Variants in TSHZ1 observed in about 807,000 individuals in gnomAD.
The protein encoded by TSHZ1 is teashirt zinc finger homeobox 1, also known as teashirt homolog 1.
In TSHZ1, 12 loss-of-function variants were observed where a neutral mutation model predicts 67.1. The ratio of observed to expected loss-of-function variants is 0.18; its 90% confidence interval spans 0.11 to 0.29. The LOEUF (loss-of-function observed/expected upper bound fraction) is 0.29, where lower values mean the gene tolerates loss of function less well. TSHZ1 is among the 10% of genes least tolerant of loss of function. The probability of loss-of-function intolerance (pLI) is 1.00; values close to 1 mark genes in which losing one functional copy is unlikely to be tolerated. For missense variants in TSHZ1, 1,305 were observed against 1,413.9 expected, an observed-to-expected ratio of 0.92 and a Z score of 1.23; for synonymous variants, 632 against 622.4, an observed-to-expected ratio of 1.02 and a Z score of -0.23.
chr18:75,288,669 C>T lies in TSHZ1; in HGVS notation c.*28C>T, dbSNP rs2023820580. 5 of 1,545,966 alleles carry T rather than the reference C, an allele frequency of 3.2e-6. No homozygotes were observed. Among genetic ancestry groups the T allele is most frequent in the Non-Finnish European group, 4.4e-6 (5 of 1,148,040 alleles). On this transcript the variant is annotated 3_prime_UTR_variant, in exon 2 of 2. Transcript: ENST00000580243. This position sits in a 1 kb window ranked among gnomAD's most constrained non-coding sequence, Gnocchi z 4.9. The stretch of plus-strand genomic sequence containing the variant: ...TCCAGGTATGCAAGAGACCGCGGAA[C>T]ATTGCACTAAACGTCGTCGAGCTGC...
chr18:75,286,958 G>A lies in TSHZ1; in HGVS notation c.1551G>A (p.Lys517=), dbSNP rs368758022. Residue 517 remains lysine (K), a synonymous_variant, in exon 2 of 2, where the codon AAG becomes AAA. Transcript: ENST00000580243. The surrounding 1 kb of genome is among the most constrained non-coding windows in gnomAD (Gnocchi z 5.1). The part of the protein sequence containing the change: ...PPVAGDAEKI[K]EESEDSLEKF... ...TGGCTGGCGACGCGGAGAAGATCAA[G>A]GAGGAGAGTGAGGACAGCTTGGAGA... is the stretch of plus-strand genomic sequence containing the variant. The A allele has an allele frequency of 1.2e-4, 194 of 1,614,028 alleles. No homozygotes were observed. Among genetic ancestry groups the A allele is most frequent in the Non-Finnish European group, 1.6e-4 (183 of 1,180,030 alleles).
chr18:75,234,283 C>T (rs905051628), intron 1 of TSHZ1, among the ~76,000 whole-genome samples: 31 of 152,180 alleles, frequency 2.0e-4, no homozygotes, highest in Admixed American at 1.4e-3. Context: ...TGCGGCCGCC[C>T]TGGGCCCTCT....
At chr18:75,238,259 TAA>T (rs1312765798) in intron 1 of TSHZ1, among the ~76,000 whole-genome samples, 2 of 152,190 alleles carry the variant, frequency 1.3e-5, no homozygotes, top group Non-Finnish European at 1.5e-5. Context: ...CCACGTAGAC[TAA>T]GACTCATTTC....
rs564837572 is a variant in TSHZ1 at position 75,287,450 on chromosome 18, G to A, written c.2043G>A (p.Pro681=). 32 of 1,614,188 alleles carry A rather than the reference G, an allele frequency of 2.0e-5. No homozygotes were observed. The highest frequency in any genetic ancestry group is 1.6e-4 in the Middle Eastern group (1 of 6,062). The change falls in exon 2 of 2, where the codon CCG becomes CCA. Residue 681 remains proline, a synonymous_variant. Coordinates refer to ENST00000580243, the MANE Select transcript of TSHZ1 (RefSeq NM_001308210.2). The surrounding 1 kb of genome is among the most constrained non-coding windows in gnomAD (Gnocchi z 5.0). ...SPIAKENKDF[P]KTEEVSGKPQ... Reference sequence around the variant, plus strand: ...TAGCAAAAGAGAATAAAGATTTCCCGAAAACGGAGGAAGTCAGCGGCAAAC... The same window carrying A: ...TAGCAAAAGAGAATAAAGATTTCCCAAAAACGGAGGAAGTCAGCGGCAAAC...
chr18:75,214,355 G>A (rs893636884), intron 1 of TSHZ1, among the ~76,000 whole-genome samples: 2 of 152,176 alleles, frequency 1.3e-5, no homozygotes, highest in Non-Finnish European at 2.9e-5. Flanking sequence ...AGGAGCCGTC[G>A]ATGTTTATAA....
chr18:75,240,713 T>A (rs2023144778), intron 1 of TSHZ1, among the ~76,000 whole-genome samples: 2 of 152,166 alleles, frequency 1.3e-5, no homozygotes, highest in South Asian at 4.1e-4. Flanking sequence ...GGTCCCCCAC[T>A]TAGTTATGTG....
Position 75,285,970 on chromosome 18 carries a change from C to T in TSHZ1, c.563C>T (p.Thr188Ile). The T allele has an allele frequency of 1.3e-6, 2 of 1,587,596 alleles. No individual in the cohort carries two copies. The highest frequency in any genetic ancestry group is 1.7e-6 in the Non-Finnish European group (2 of 1,168,384). Residue 188 changes from threonine (T) to isoleucine (I), a missense_variant, in exon 2 of 2, where the codon ACC becomes ATC. This residue lies in a region of TSHZ1 where 358 missense variants were observed against 375.6 expected (regional missense o/e 0.95). Transcript: ENST00000580243. ...AGCTCCAGCACCAGCCACAGCAGTA[C>T]CACCAGTACCAGCAGCAGCTCCGGG... The part of the protein sequence containing the change: ...SCSSSTSHSS[T>I]TSTSSSSGYD...
chr18:75,239,267 GA>G (rs2023123419), intron 1 of TSHZ1, among the ~76,000 whole-genome samples: 1 of 152,228 alleles, frequency 6.6e-6, no homozygotes, highest in Admixed American at 6.5e-5. Flanking sequence ...CTTGTTATGT[GA>G]GTAATTGATG....
In TSHZ1 at chr18:75,288,877, T is replaced by A; in HGVS notation, c.*236T>A. 1.9e-6 allele frequency: 1 copy of A among 515,194 alleles called. No homozygotes were observed. 31.9% of individuals were successfully genotyped at this position (515,194 alleles called of 1,614,324 possible). On this transcript the variant is annotated 3_prime_UTR_variant, in exon 2 of 2. Transcript: ENST00000580243. The surrounding 1 kb of genome is among the most constrained non-coding windows in gnomAD (Gnocchi z 4.9). The stretch of plus-strand genomic sequence containing the variant: ...TATTTTCAACATCTGTTCTTGGTGT[T>A]AAGCTATCTTTTGTAGGAAATAGTG...
rs1006850628 is a variant in TSHZ1, at chr18:75,286,785, G to A, written c.1378G>A (p.Val460Met). Residue 460 changes from valine (V) to methionine (M), a missense_variant, in exon 2 of 2, where the codon GTG (valine) becomes ATG (methionine). Transcript: ENST00000580243. This position sits in a 1 kb window ranked among gnomAD's most constrained non-coding sequence, Gnocchi z 5.1. ...KKGKQLVLDP[V>M]VEEKIQSIPL... ...GGGCAAGCAGTTGGTGCTGGACCCTGTGGTGGAAGAGAAGATCCAGTCCAT... is the reference window on the plus strand; with the variant it reads ...GGGCAAGCAGTTGGTGCTGGACCCTATGGTGGAAGAGAAGATCCAGTCCAT... 3 of 1,613,536 alleles carry A rather than the reference G, an allele frequency of 1.9e-6. No homozygotes were observed. The highest frequency in any genetic ancestry group is 2.2e-5 in the East Asian group (1 of 44,884).
intron 1 of TSHZ1, among the ~76,000 whole-genome samples, chr18:75,262,664 T>TG (rs1356714514): frequency 6.6e-6 from 1 of 152,230 alleles, no homozygotes; most frequent in Non-Finnish European, 1.5e-5. Context: ...CACTCTGGGA[T>TG]GGCAGCAGGG....
Position 75,286,899 on chromosome 18 carries a change from G to C in TSHZ1, c.1492G>C (p.Glu498Gln), listed in dbSNP as rs1205152223. 4 of 1,614,092 alleles carry C rather than the reference G, an allele frequency of 2.5e-6. No individual in the cohort carries two copies. Among genetic ancestry groups the C allele is most frequent in the Non-Finnish European group, 3.4e-6 (4 of 1,180,038 alleles). Residue 498 changes from glutamate (E) to glutamine (Q), a missense_variant, in exon 2 of 2, where the codon GAA (glutamate) becomes CAA (glutamine). Physicochemically the swap from Glu to Gln is conservative, Grantham distance 29 (BLOSUM62 2). Around this residue, in one of 3 missense-constraint regions of TSHZ1, gnomAD observed 909 missense variants for 961.8 expected, o/e 0.95. Transcript: ENST00000580243. This position sits in a 1 kb window ranked among gnomAD's most constrained non-coding sequence, Gnocchi z 5.1. The stretch of plus-strand genomic sequence containing the variant: ...TCCCGCGGGGTCCACGACTTCTGAA[G>C]AAAAGAAAGAGCCAGAGAAGGAGAA... ...DSPAGSTTSEEKKEPEKEKPP... is the reference protein window; with the variant it reads ...DSPAGSTTSEQKKEPEKEKPP...
intron 1 of TSHZ1, among the ~76,000 whole-genome samples, chr18:75,233,474 TAAG>T (rs1018461743): frequency 3.8e-4 from 58 of 152,332 alleles, no homozygotes; most frequent in African/African-American, 1.4e-3. Flanking sequence ...TTAAGAAATA[TAAG>T]AAGATGGATG....
intron 1 of TSHZ1, among the ~76,000 whole-genome samples, chr18:75,260,753 T>C (rs1262462450): frequency 6.6e-6 from 1 of 152,138 alleles, no homozygotes; most frequent in Admixed American, 6.5e-5. Context: ...TCAGTCAACA[T>C]TGATGTGAAA....
At chr18:75,272,427 G>A (rs2023569745) in intron 1 of TSHZ1, among the ~76,000 whole-genome samples, 1 of 152,214 alleles carries the variant, frequency 6.6e-6, no homozygotes, top group South Asian at 2.1e-4. Flanking sequence ...AAACCACAGG[G>A]CGATTCTACT....
intron 1 of TSHZ1, among the ~76,000 whole-genome samples, chr18:75,213,449 T>C (rs1351244965): frequency 1.3e-5 from 2 of 152,220 alleles, no homozygotes; most frequent in Non-Finnish European, 2.9e-5. Context: ...AAGAGGTCTT[T>C]ACATTTTCAC....
chr18:75,222,225 CTTTT>C (rs11365940), intron 1 of TSHZ1, among the ~76,000 whole-genome samples: 3 of 139,036 alleles, frequency 2.2e-5, no homozygotes, highest in African/African-American at 5.2e-5. Context: ...AGTTGCCTGA[CTTTT>C]TTTTTTTTTT....
At position 75,287,724 on chromosome 18, in the gene TSHZ1, A is replaced by T; in HGVS notation, c.2317A>T (p.Met773Leu). 6.2e-7 allele frequency: 1 copy of T among 1,614,122 alleles called. No homozygotes were observed. Among genetic ancestry groups the T allele is most frequent in the Non-Finnish European group, 8.5e-7 (1 of 1,180,036 alleles). Reference sequence around the variant, plus strand: ...GAGTCCCTCGCTGGACCCGCTGGCGATGCTGTACAAGATCAGCAACAGCAT... The same window carrying T: ...GAGTCCCTCGCTGGACCCGCTGGCGTTGCTGTACAAGATCAGCAACAGCAT... ...PVSPSLDPLA[M>L]LYKISNSMLD... The change falls in exon 2 of 2, where the codon ATG (methionine) becomes TTG (leucine). Residue 773 changes from methionine (M) to leucine (L), a missense_variant. This residue lies in a region of TSHZ1 where 909 missense variants were observed against 961.8 expected (regional missense o/e 0.95). Coordinates refer to ENST00000580243, the MANE Select transcript of TSHZ1 (RefSeq NM_001308210.2). This position sits in a 1 kb window ranked among gnomAD's most constrained non-coding sequence, Gnocchi z 5.0.
At chr18:75,217,224 C>T (rs1354292477) in intron 1 of TSHZ1, among the ~76,000 whole-genome samples, 1 of 152,228 alleles carries the variant, frequency 6.6e-6, no homozygotes, top group Non-Finnish European at 1.5e-5. Flanking sequence ...ATAAACAGAA[C>T]ATCCCAAGAA....
Sources: allele counts gnomAD v4.1 joint callset (sites outside exome capture counted in the v4.1 genomes callset), GRCh38; gene constraint gnomAD v4.1.1; regional missense constraint gnomAD v4.1.1; non-coding constraint Gnocchi (gnomAD v3.1); transcripts MANE v1.5; gene names NCBI Gene and HGNC (gene_info 2026-07-23, HGNC 2026-07-21).